The following CADPS variants were observed in gnomAD, a reference collection of about 807,000 sequenced individuals.
CADPS encodes the protein calcium dependent secretion activator.
Under a neutral mutation model 167.3 loss-of-function variants are expected in CADPS, and 57 were observed. The observed-to-expected ratio is 0.34, with a 90% CI of 0.28 to 0.42. The LOEUF is 0.42. Among genes scored for constraint, CADPS ranks in the 20% least tolerant of loss-of-function variants. The probability of loss-of-function intolerance (pLI) is 1.00; values close to 1 mark genes in which losing one functional copy is unlikely to be tolerated. For missense variants in CADPS, 1,414 were observed against 1,738.1 expected, an observed-to-expected ratio of 0.81 and a Z score of 3.32; for synonymous variants, 676 against 635.3, an observed-to-expected ratio of 1.06 and a Z score of -0.96.
At chr3:62,468,556 C>T (rs915148638) in intron 24 of CADPS, among the ~76,000 whole-genome samples, 12 of 152,150 alleles carry the variant, frequency 7.9e-5, no homozygotes, top group Non-Finnish European at 1.8e-4. Context: ...CAAGCTTTCT[C>T]TTCAGGAGCT....
intron 17 of CADPS, among the ~76,000 whole-genome samples, chr3:62,505,937 G>A (rs1376478558): frequency 1.3e-5 from 2 of 152,218 alleles, no homozygotes; most frequent in South Asian, 4.1e-4. Context: ...AAAATGCTCT[G>A]TGTTTTCAGT....
intron 3 of CADPS, among the ~76,000 whole-genome samples, chr3:62,683,276 T>A (rs570415037): frequency 6.6e-6 from 1 of 152,012 alleles, no homozygotes; most frequent in Non-Finnish European, 1.5e-5. Context: ...TACATAAACA[T>A]CATTCTGGCT....
chr3:62,520,344 A>G (rs2070183655), intron 13 of CADPS, among the ~76,000 whole-genome samples: 1 of 152,222 alleles, frequency 6.6e-6, no homozygotes, highest in Admixed American at 6.5e-5. Flanking sequence ...AATTCTCACT[A>G]TAAAAGATAT....
intron 3 of CADPS, among the ~76,000 whole-genome samples, chr3:62,705,229 T>C (rs1034513459): frequency 6.6e-6 from 1 of 152,032 alleles, no homozygotes; most frequent in Non-Finnish European, 1.5e-5. Context: ...TGGGGTGAGG[T>C]CATTTGAGAT....
rs376611576 is a variant in CADPS, at chr3:62,399,629, A to G, written c.3883-44T>C. Reference sequence around the variant, plus strand: ...CAGTGATAAGAGAGATCTCATCTCCATGATGGGGAGGGAGAAGGTAAAAGC... The same window carrying G: ...CAGTGATAAGAGAGATCTCATCTCCGTGATGGGGAGGGAGAAGGTAAAAGC... On this transcript the variant is annotated intron_variant, in intron 29 of 29. Transcript: ENST00000383710. The surrounding 1 kb of genome is among the most constrained non-coding windows in gnomAD (Gnocchi z 5.6). 12 of 1,536,620 alleles carry G rather than the reference A, an allele frequency of 7.8e-6. No homozygotes were observed. Among genetic ancestry groups the G allele is most frequent in the Middle Eastern group, 1.7e-4 (1 of 5,886 alleles).
intron 1 of CADPS, among the ~76,000 whole-genome samples, chr3:62,790,361 A>C (rs549897270): frequency 1.4e-4 from 21 of 152,196 alleles, no homozygotes; most frequent in Non-Finnish European, 2.2e-4. Context: ...AAGAGAAATT[A>C]CTTTATAAAT....
At chr3:62,451,101 T>C (rs2057981430) in intron 26 of CADPS, among the ~76,000 whole-genome samples, 1 of 152,128 alleles carries the variant, frequency 6.6e-6, no homozygotes, top group Non-Finnish European at 1.5e-5. Flanking sequence ...CTTGAATACA[T>C]TTGAGTCAGT....
chr3:62,584,853 T>C (rs188442959), intron 8 of CADPS, among the ~76,000 whole-genome samples: 25 of 152,366 alleles, frequency 1.6e-4, no homozygotes, highest in African/African-American at 5.5e-4. Context: ...AGAGTTTGAA[T>C]GATCTGGATG....
intron 28 of CADPS, among the ~76,000 whole-genome samples, chr3:62,408,843 A>C (rs1210969778): frequency 6.6e-6 from 1 of 152,228 alleles, no homozygotes; most frequent in African/African-American, 2.4e-5. Context: ...CAATTGTCAC[A>C]AGAGTAATTT....
chr3:62,764,091 A>C (rs2086241164), intron 2 of CADPS, among the ~76,000 whole-genome samples: 1 of 152,192 alleles, frequency 6.6e-6, no homozygotes, highest in Admixed American at 6.5e-5. Flanking sequence ...TGCAACCTAT[A>C]AATTTATAAA....
intron 1 of CADPS, among the ~76,000 whole-genome samples, chr3:62,804,542 T>A (rs1287397763): frequency 1.3e-5 from 2 of 152,134 alleles, no homozygotes; most frequent in Non-Finnish European, 2.9e-5. Context: ...TTTATGAATT[T>A]ATTTTTGGCT....
intron 2 of CADPS, among the ~76,000 whole-genome samples, chr3:62,757,223 AC>A (rs1328819371): frequency 6.6e-6 from 1 of 152,184 alleles, no homozygotes; most frequent in East Asian, 1.9e-4. Context: ...ACATCTATGC[AC>A]ATTAGTATCC....
chr3:62,656,393 TC>T (rs1488123425), intron 4 of CADPS, among the ~76,000 whole-genome samples: 1 of 152,178 alleles, frequency 6.6e-6, no homozygotes, highest in Non-Finnish European at 1.5e-5. Context: ...CTTCTATTTA[TC>T]CCTATTTTTT....
chr3:62,820,910 C>T (rs1346152383), intron 1 of CADPS, among the ~76,000 whole-genome samples: 1 of 151,726 alleles, frequency 6.6e-6, no homozygotes, highest in Non-Finnish European at 1.5e-5. Flanking sequence ...AAGCCATTCT[C>T]CTGCCTCAGC....
At chr3:62,807,617 A>G (rs2094169307) in intron 1 of CADPS, among the ~76,000 whole-genome samples, 1 of 151,908 alleles carries the variant, frequency 6.6e-6, no homozygotes, top group African/African-American at 2.4e-5. Context: ...CAATTTTTCA[A>G]TATTTTTATT....
intron 3 of CADPS, among the ~76,000 whole-genome samples, chr3:62,705,368 T>C (rs1564086064): frequency 6.6e-6 from 1 of 152,148 alleles, no homozygotes. Flanking sequence ...TTGCTCCTCA[T>C]TTCCTAGCAG....
At chr3:62,405,573 C>G (rs960746230) in intron 28 of CADPS, among the ~76,000 whole-genome samples, 1 of 152,050 alleles carries the variant, frequency 6.6e-6, no homozygotes, top group Admixed American at 6.5e-5. Context: ...AGGTAGGAGA[C>G]TATCAACAAT....
chr3:62,866,765 T>C (rs1295669724), intron 1 of CADPS, among the ~76,000 whole-genome samples: 1 of 152,090 alleles, frequency 6.6e-6, no homozygotes, highest in Non-Finnish European at 1.5e-5. Context: ...ACTGATAATA[T>C]TTGTCCATGT....
intron 6 of CADPS, among the ~76,000 whole-genome samples, chr3:62,644,708 T>G (rs911946078): frequency 3.3e-5 from 5 of 152,106 alleles, no homozygotes; most frequent in African/African-American, 1.2e-4. Flanking sequence ...CACAAGCTGT[T>G]TACTCTGCCT....
Sources: gnomAD v4.1 joint callset for allele counts (sites outside exome capture counted in the v4.1 genomes callset) on GRCh38, gnomAD v4.1.1 for gene constraint, Gnocchi (gnomAD v3.1) non-coding constraint, MANE v1.5 for transcripts, NCBI Gene and HGNC (gene_info 2026-07-23, HGNC 2026-07-21) for gene names.